The following AHCYL2 variants were observed in gnomAD, a reference collection of about 807,000 sequenced individuals.
The protein encoded by AHCYL2 is adenosylhomocysteinase like 2.
Under a neutral mutation model 81.4 loss-of-function variants are expected in AHCYL2, and 28 were observed. The observed-to-expected ratio is 0.34, with a 90% CI of 0.25 to 0.47. The LOEUF is 0.47. Among genes scored for constraint, AHCYL2 ranks in the 20% least tolerant of loss-of-function variants. The probability of loss-of-function intolerance (pLI) is 1.00; values close to 1 mark genes in which losing one functional copy is unlikely to be tolerated. For synonymous variants in AHCYL2, 272 were observed against 290.2 expected (o/e 0.94, Z 0.64); for missense variants, 551 against 785.1 (o/e 0.70, Z 3.56).
chr7:129,271,492 A>G (rs1796015977), intron 1 of AHCYL2, among the ~76,000 whole-genome samples: 1 of 152,188 alleles, frequency 6.6e-6, no homozygotes, highest in African/African-American at 2.4e-5. Context: ...GAATACTATT[A>G]AGCAATGGAA....
chr7:129,387,624 A>G (rs1409393297), intron 2 of AHCYL2, among the ~76,000 whole-genome samples: 28 of 152,240 alleles, frequency 1.8e-4, no homozygotes, highest in Non-Finnish European at 5.9e-5. Flanking sequence ...TGGTAGAAGC[A>G]TGGTTCCCCT....
At position 129,406,298 on chromosome 7, in the gene AHCYL2, G is replaced by T; in HGVS notation, c.1207-80G>T. The T allele has an allele frequency of 8.0e-7, 1 of 1,256,626 alleles. No homozygotes were observed. The allele number at this position is 1,256,626 out of a possible 1,614,324, so 77.8% of individuals were successfully genotyped here. On this transcript the variant is annotated intron_variant, in intron 9 of 16. Transcript: ENST00000325006. This position sits in a 1 kb window ranked among gnomAD's most constrained non-coding sequence, Gnocchi z 4.3. ...AAATTCCTCTCGGGGGTGGAAAGAG[G>T]GGGTGCACTTTACCAGAAGCTTTGA...
intron 1 of AHCYL2, among the ~76,000 whole-genome samples, chr7:129,256,179 T>C (rs979842827): frequency 2.6e-5 from 4 of 152,218 alleles, no homozygotes; most frequent in African/African-American, 9.6e-5. Flanking sequence ...ACAATTAGAA[T>C]GTGAGGATTA....
rs539519617 is a variant in AHCYL2 at position 129,225,239 on chromosome 7, C to G, written c.163C>G (p.Pro55Ala). The G allele has an allele frequency of 1.5e-5, 22 of 1,474,190 alleles. No individual in the cohort carries two copies. The highest frequency in any genetic ancestry group is 2.5e-5 in the Admixed American group (1 of 39,796). The allele number at this position is 1,474,190 out of a possible 1,614,324, so 91.3% of individuals were successfully genotyped here. ...CGGTGGAGACCCTGAGGCTCCAGCT[C>G]CCGCCGCGGAGCGGCCCCCGGTCCC... ...AGGGDPEAPA[P>A]AAERPPVPGP... The change falls in exon 1 of 17, where the codon CCC (proline) becomes GCC (alanine). Residue 55 changes from proline (P) to alanine (A), a missense_variant. Around this residue, in one of 2 missense-constraint regions of AHCYL2, gnomAD observed 235 missense variants for 242.1 expected, o/e 0.97. Transcript: ENST00000325006.
At chr7:129,379,837 C>A in intron 2 of AHCYL2, 88 bp downstream of exon 2, 1 of 984,474 alleles carries the variant, frequency 1.0e-6, no homozygotes, top group Non-Finnish European at 1.5e-6. Flanking sequence ...GCTAATTAAG[C>A]ATGACCAAGA....
intron 1 of AHCYL2, among the ~76,000 whole-genome samples, chr7:129,315,608 T>A (rs937016530): frequency 7.2e-5 from 11 of 152,254 alleles, no homozygotes; most frequent in African/African-American, 2.4e-4. Flanking sequence ...TGTCTTTCTT[T>A]AAACAAGACT....
chr7:129,425,006 T>G (rs111973759), intron 14 of AHCYL2, 57 bp from the exon 15 acceptor site: 2 of 1,612,792 alleles, frequency 1.2e-6, no homozygotes, highest in African/African-American at 1.3e-5. Context: ...CAGGTTTCAC[T>G]TGCTTGGGTA....
intron 1 of AHCYL2, among the ~76,000 whole-genome samples, chr7:129,230,762 G>A (rs1486313429): frequency 1.3e-5 from 2 of 150,942 alleles, no homozygotes; most frequent in Non-Finnish European, 3.0e-5. Context: ...TAGTAGAGAC[G>A]AGGTTTCACC....
chr7:129,257,342 A>G (rs1480428392), intron 1 of AHCYL2, among the ~76,000 whole-genome samples: 1 of 152,126 alleles, frequency 6.6e-6, no homozygotes, highest in Non-Finnish European at 1.5e-5. Context: ...GGATCCTTGG[A>G]GTGGAAAAGG....
intron 1 of AHCYL2, among the ~76,000 whole-genome samples, chr7:129,234,774 G>T (rs984536724): frequency 2.6e-5 from 4 of 152,208 alleles, no homozygotes; most frequent in Non-Finnish European, 5.9e-5. Flanking sequence ...GGGATTACAG[G>T]TGTGAGCCAC....
At chr7:129,381,079 T>C (rs1263538948) in intron 2 of AHCYL2, among the ~76,000 whole-genome samples, 2 of 152,152 alleles carry the variant, frequency 1.3e-5, no homozygotes, top group Non-Finnish European at 2.9e-5. Flanking sequence ...GTGTTGAAAA[T>C]TCACAAACTG....
chr7:129,242,378 A>G (rs113272495), intron 1 of AHCYL2, among the ~76,000 whole-genome samples: 1,621 of 147,402 alleles, frequency 0.011, 39 homozygotes, highest in African/African-American at 0.039. Flanking sequence ...ATGTTTCCTT[A>G]TGCACATGTG....
At chr7:129,376,977 T>C (rs1469210767) in intron 1 of AHCYL2, among the ~76,000 whole-genome samples, 1 of 152,214 alleles carries the variant, frequency 6.6e-6, no homozygotes, top group Non-Finnish European at 1.5e-5. Context: ...TAAAAATCAT[T>C]TTAACTTTAG....
chr7:129,385,326 T>C (rs1449394960), intron 2 of AHCYL2, among the ~76,000 whole-genome samples: 1 of 152,164 alleles, frequency 6.6e-6, no homozygotes, highest in Non-Finnish European at 1.5e-5. Flanking sequence ...CCAAGAGGAA[T>C]TGCCTGACAT....
rs550846752 is a variant in AHCYL2 at position 129,344,387 on chromosome 7, C to A, written c.364-35251C>A. Among the ~76,000 whole-genome samples the A allele has an allele frequency of 8.5e-4, 129 of 152,194 alleles. 1 individual carries two copies. Among genetic ancestry groups the A allele is most frequent in the African/African-American group, 3.1e-3 (128 of 41,536 alleles). On this transcript the variant is annotated intron_variant, in intron 1 of 16. Transcript: ENST00000325006. Reference sequence around the variant, plus strand: ...GAATGGATAAATAAAGTATGGTACACCCATGTAATGTGCTATTCAGCAGTA... The same window carrying A: ...GAATGGATAAATAAAGTATGGTACAACCATGTAATGTGCTATTCAGCAGTA...
chr7:129,242,057 T>A (rs1794878487), intron 1 of AHCYL2, among the ~76,000 whole-genome samples: 1 of 152,164 alleles, frequency 6.6e-6, no homozygotes, highest in African/African-American at 2.4e-5. Flanking sequence ...TATAGCATTG[T>A]TTTGTTTATA....
chr7:129,416,987 G>A (rs1314905958), intron 12 of AHCYL2, among the ~76,000 whole-genome samples: 1 of 152,018 alleles, frequency 6.6e-6, no homozygotes, highest in Non-Finnish European at 1.5e-5. Context: ...AATTAGTTGG[G>A]TGTGGTGGCT....
intron 1 of AHCYL2, among the ~76,000 whole-genome samples, chr7:129,273,634 A>G (rs1796097217): frequency 6.6e-6 from 1 of 152,114 alleles, no homozygotes; most frequent in South Asian, 2.1e-4. Context: ...GGCCGACTTC[A>G]GAAAGATTTA....
In AHCYL2 at chr7:129,368,475, A is replaced by G. The variant is rs1197022759; in HGVS notation, c.364-11163A>G. 5 of 1,613,860 alleles carry G rather than the reference A, an allele frequency of 3.1e-6. No individual in the cohort carries two copies. The highest frequency in any genetic ancestry group is 1.3e-5 in the African/African-American group (1 of 74,918). On this transcript the variant is annotated intron_variant, in intron 1 of 16. Transcript: ENST00000325006. This position sits in a 1 kb window ranked among gnomAD's most constrained non-coding sequence, Gnocchi z 4.4. ...AGCTTTCCCTTTTGCTTCAGGACATATCTTACCCAAGCCTGCACTATGGAG... is the reference window on the plus strand; with the variant it reads ...AGCTTTCCCTTTTGCTTCAGGACATGTCTTACCCAAGCCTGCACTATGGAG...
Sources: gnomAD v4.1 joint callset for allele counts (sites outside exome capture counted in the v4.1 genomes callset) on GRCh38, gnomAD v4.1.1 for gene constraint, gnomAD v4.1.1 regional missense constraint, Gnocchi (gnomAD v3.1) non-coding constraint, MANE v1.5 for transcripts, NCBI Gene and HGNC (gene_info 2026-07-23, HGNC 2026-07-21) for gene names.